MIPOL1: variants seen among roughly 807,000 people sequenced by gnomAD.
MIPOL1 encodes mirror-image polydactyly 1, also known as mirror-image polydactyly gene 1 protein.
MIPOL1 carries 57 observed loss-of-function variants against 60.9 expected under a neutral mutation model. The observed-to-expected ratio is 0.94, with a 90% confidence interval of 0.76 to 1.17. MIPOL1 has a LOEUF of 1.17. Ranked by LOEUF, MIPOL1 falls within the 50% of genes most tolerant of loss-of-function variation. MIPOL1 has a pLI of 0.00. For synonymous variants in MIPOL1, 179 were observed against 168.8 expected (o/e 1.06, Z -0.47); for missense variants, 551 against 511.6 (o/e 1.08, Z -0.74).
In MIPOL1 at chr14:37,289,891, A is replaced by G. The variant is rs1298219904; in HGVS notation, c.623+4444A>G. 2.0e-5 allele frequency among the ~76,000 whole-genome samples: 3 copies of G among 152,264 alleles called. 1 individual carries two copies. Among genetic ancestry groups the G allele is most frequent in the Non-Finnish European group, 4.4e-5 (3 of 68,018 alleles). ...GGCTGCCAGCTATCAGTTAATCATT[A>G]GCGTACAAAAAGACATCACTTTGGA... On this transcript the variant is annotated intron_variant, in intron 7 of 12. Transcript: ENST00000684589.
At chr14:37,355,060 A>G (rs2091699252) in intron 9 of MIPOL1, among the ~76,000 whole-genome samples, 1 of 146,922 alleles carries the variant, frequency 6.8e-6, no homozygotes, top group African/African-American at 2.5e-5. Flanking sequence ...TGTCCTTTCC[A>G]TGTTTAGCAC....
At chr14:37,479,265 G>A (rs1184166539) in intron 11 of MIPOL1, among the ~76,000 whole-genome samples, 2 of 152,084 alleles carry the variant, frequency 1.3e-5, no homozygotes. Flanking sequence ...AGCACACATG[G>A]AACATTCTCC....
intron 3 of MIPOL1, among the ~76,000 whole-genome samples, chr14:37,251,637 T>C (rs935562845): frequency 6.6e-6 from 1 of 152,036 alleles, no homozygotes; most frequent in African/African-American, 2.4e-5. Flanking sequence ...TATTGTTGTT[T>C]AGCCCTTTTT....
At position 37,308,053 on chromosome 14, in the gene MIPOL1, T is replaced by G; in HGVS notation, c.624-3T>G. 1 of 1,610,050 alleles carries G rather than the reference T, an allele frequency of 6.2e-7. No individual in the cohort carries two copies. The highest frequency in any genetic ancestry group is 1.3e-5 in the African/African-American group (1 of 74,812). ...TCAGGCTTTCTGTGTCCCTTTTTTC[T>G]AGGCTAGAAAATATTAACCCTGAAG... On this transcript the variant is annotated splice_region_variant and splice_polypyrimidine_tract_variant and intron_variant, in intron 7 of 12. Transcript: ENST00000684589.
chr14:37,202,384 T>TACACACAC (rs3061896), intron 1 of MIPOL1, among the ~76,000 whole-genome samples: 16 of 149,930 alleles, frequency 1.1e-4, no homozygotes, highest in Admixed American at 2.0e-4. Context: ...TGCATTTCAT[T>TACACACAC]ACACACACAC....
chr14:37,536,734 T>C (rs1594920244), intron 12 of MIPOL1, among the ~76,000 whole-genome samples: 1 of 152,236 alleles, frequency 6.6e-6, no homozygotes, highest in East Asian at 1.9e-4. Context: ...AGACAAACTT[T>C]CCACTTTCAT....
chr14:37,357,774 A>G (rs2091945180), intron 9 of MIPOL1, among the ~76,000 whole-genome samples: 1 of 150,676 alleles, frequency 6.6e-6, no homozygotes, highest in African/African-American at 2.4e-5. Context: ...ATGGGATCTC[A>G]TTTGTCCATT....
chr14:37,450,817 T>G (rs2094406314), intron 11 of MIPOL1, among the ~76,000 whole-genome samples: 1 of 152,128 alleles, frequency 6.6e-6, no homozygotes, highest in Non-Finnish European at 1.5e-5. Flanking sequence ...ATTTCAAGTC[T>G]TTTTTATCAA....
At chr14:37,236,475 C>T (rs1016040681) in intron 1 of MIPOL1, among the ~76,000 whole-genome samples, 2 of 151,810 alleles carry the variant, frequency 1.3e-5, no homozygotes, top group Admixed American at 6.6e-5. Context: ...AGACCCTTGT[C>T]GCCCAGGCTG....
In MIPOL1 at chr14:37,268,744, T is replaced by A. The variant is rs778406308; in HGVS notation, c.338T>A (p.Ile113Lys). 10 of 1,590,232 alleles carry A rather than the reference T, an allele frequency of 6.3e-6. No individual in the cohort carries two copies. The highest frequency in any genetic ancestry group is 1.7e-4 in the Middle Eastern group (1 of 6,016). The change falls in exon 5 of 13, where the codon ATA becomes AAA. Residue 113 changes from isoleucine to lysine, a missense_variant. Ile to Lys is a moderately radical substitution (Grantham distance 102). Transcript: ENST00000684589. ...VTSDSDKEKT[I>K]AFLLKELDIL... ...TCAGACTCAGATAAAGAGAAGACAA[T>A]AGCATTTCTTCTAAAAGAATTGGAT... is the stretch of plus-strand genomic sequence containing the variant.
downstream of MIPOL1, chr14:37,551,945 C>T (rs1406496066): frequency 6.6e-6 from 1 of 151,030 alleles, no homozygotes; most frequent in Non-Finnish European, 1.5e-5. Flanking sequence ...TACCATAAAG[C>T]ACCTCTACTC....
intron 10 of MIPOL1, among the ~76,000 whole-genome samples, chr14:37,398,568 A>T (rs1157744922): frequency 6.6e-6 from 1 of 152,318 alleles, no homozygotes; most frequent in African/African-American, 2.4e-5. Context: ...TAGCCATTTT[A>T]GGCACATTTC....
intron 9 of MIPOL1, among the ~76,000 whole-genome samples, chr14:37,364,993 C>G (rs2092420676): frequency 1.3e-5 from 2 of 151,982 alleles, no homozygotes; most frequent in South Asian, 4.1e-4. Flanking sequence ...TCTAAAATTT[C>G]TTTTTCAGAT....
At position 37,346,899 on chromosome 14, in the gene MIPOL1, G is replaced by A. The variant is rs920617039; in HGVS notation, c.829-22618G>A. 2.3e-4 allele frequency among the ~76,000 whole-genome samples: 35 copies of A among 152,184 alleles called. 1 individual carries two copies. Among genetic ancestry groups the A allele is most frequent in the African/African-American group, 8.2e-4 (34 of 41,516 alleles). The stretch of plus-strand genomic sequence containing the variant: ...GTCTCTGGCCAAGACATAGCAAAGG[G>A]GGAAAAATTATCCTGAGAAATTAAA... On this transcript the variant is annotated intron_variant, in intron 9 of 12. Transcript: ENST00000684589.
At chr14:37,538,547 G>A (rs1237363635) in intron 12 of MIPOL1, among the ~76,000 whole-genome samples, 1 of 152,078 alleles carries the variant, frequency 6.6e-6, no homozygotes, top group Admixed American at 6.6e-5. Flanking sequence ...AATCTGACAG[G>A]GATAAATGTA....
chr14:37,230,515 A>G (rs1231547295), intron 1 of MIPOL1, among the ~76,000 whole-genome samples: 5 of 152,180 alleles, frequency 3.3e-5, no homozygotes, highest in African/African-American at 9.7e-5. Flanking sequence ...CAGCGTGAAT[A>G]CTAAGTTTTT....
rs752472741 is a variant in MIPOL1 at position 37,443,749 on chromosome 14, CAA to C, written c.1031+20816_1031+20817del. Reference sequence around the variant, plus strand: ...CCAAAGTCCTTCATGATGATAGGCTCAAAAAAAAAAAAAAAAACCTCTACAAA... The same window carrying C: ...CCAAAGTCCTTCATGATGATAGGCTCAAAAAAAAAAAAAAACCTCTACAAA... On this transcript the variant is annotated intron_variant, in intron 11 of 12. Coordinates refer to ENST00000684589, the MANE Select transcript of MIPOL1 (RefSeq NM_001388067.1). 6.1e-3 allele frequency among the ~76,000 whole-genome samples: 433 copies of C among 70,658 alleles called. 2 individuals are homozygous for C. Among genetic ancestry groups the C allele is most frequent in the African/African-American group, 0.014 (359 of 26,046 alleles). 46.4% of individuals were successfully genotyped at this position (70,658 alleles called of 152,430 possible).
At chr14:37,340,534 A>AC (rs1280852480) in intron 9 of MIPOL1, among the ~76,000 whole-genome samples, 1 of 151,840 alleles carries the variant, frequency 6.6e-6, no homozygotes, top group Admixed American at 6.6e-5. Flanking sequence ...ACATAGTGAG[A>AC]CCCCTTCTCT....
At chr14:37,201,469 C>G (rs565950693) in intron 1 of MIPOL1, among the ~76,000 whole-genome samples, 9 of 152,212 alleles carry the variant, frequency 5.9e-5, no homozygotes, top group African/African-American at 1.9e-4. Context: ...AATGTCTAGA[C>G]AGTTCTGGAT....
Sources: allele counts gnomAD v4.1 joint callset (sites outside exome capture counted in the v4.1 genomes callset), GRCh38; gene constraint gnomAD v4.1.1; transcripts MANE v1.5; gene names NCBI Gene and HGNC (gene_info 2026-07-23, HGNC 2026-07-21).